Variants in GALNTL6 observed in about 807,000 individuals in gnomAD.
GALNTL6 encodes the protein polypeptide N-acetylgalactosaminyltransferase-like 6.
Under a neutral mutation model 73.7 loss-of-function variants are expected in GALNTL6, and 46 were observed. That is an observed-to-expected ratio of 0.62 (90% CI 0.49 to 0.80). The LOEUF is 0.80. Ranked by LOEUF, GALNTL6 falls within the 30% of genes least tolerant of loss-of-function variation. The pLI is 0.00. For missense variants in GALNTL6, 604 were observed against 755.0 expected (o/e 0.80, Z 2.34); for synonymous variants, 259 against 263.7 (o/e 0.98, Z 0.17).
intron 2 of GALNTL6, among the ~76,000 whole-genome samples, chr4:172,159,549 G>A (rs1734389507): frequency 6.6e-6 from 1 of 152,124 alleles, no homozygotes; most frequent in Non-Finnish European, 1.5e-5. Context: ...GTGTAGAGAG[G>A]AGAATCTTCT....
chr4:172,095,200 T>TA (rs11427479), intron 2 of GALNTL6, among the ~76,000 whole-genome samples: 149,452 of 151,468 alleles, frequency 0.99, 73,751 homozygotes, highest in Middle Eastern at 1. Flanking sequence ...AAAAGGCAAA[T>TA]AAAAAAAAGA....
intron 2 of GALNTL6, among the ~76,000 whole-genome samples, chr4:172,091,821 A>C (rs970642939): frequency 3.9e-5 from 6 of 152,240 alleles, no homozygotes; most frequent in African/African-American, 1.4e-4. Flanking sequence ...AGCTATAGAT[A>C]GCTGAAGAGA....
chr4:172,523,652 A>T (rs1734857963), intron 5 of GALNTL6, among the ~76,000 whole-genome samples: 1 of 152,196 alleles, frequency 6.6e-6, no homozygotes, highest in Non-Finnish European at 1.5e-5. Flanking sequence ...GTCATGAGCC[A>T]CTGCACATTG....
intron 3 of GALNTL6, among the ~76,000 whole-genome samples, chr4:172,240,974 GT>G (rs1175908695): frequency 6.6e-6 from 1 of 152,168 alleles, no homozygotes; most frequent in Non-Finnish European, 1.5e-5. Flanking sequence ...GTGGGCTGAT[GT>G]TCCTTTAACT....
At chr4:172,273,586 G>C (rs1381899617) in intron 3 of GALNTL6, among the ~76,000 whole-genome samples, 1 of 152,192 alleles carries the variant, frequency 6.6e-6, no homozygotes, top group Non-Finnish European at 1.5e-5. Flanking sequence ...AAGTCAGACA[G>C]ACTTCCTCAA....
At chr4:172,256,944 A>G (rs536872645) in intron 3 of GALNTL6, among the ~76,000 whole-genome samples, 272 of 151,444 alleles carry the variant, frequency 1.8e-3, no homozygotes, top group African/African-American at 6.0e-3. Flanking sequence ...CTTCCAAAGC[A>G]CACTCTGTTC....
chr4:172,675,907 G>A (rs1173914779), intron 5 of GALNTL6, among the ~76,000 whole-genome samples: 1 of 152,116 alleles, frequency 6.6e-6, no homozygotes, highest in African/African-American at 2.4e-5. Flanking sequence ...CTAGAAAATA[G>A]ACTGAGCATC....
chr4:172,782,078 G>T (rs539150053), intron 5 of GALNTL6, among the ~76,000 whole-genome samples: 1 of 151,946 alleles, frequency 6.6e-6, no homozygotes, highest in African/African-American at 2.4e-5. Flanking sequence ...ACCACTAAAG[G>T]CTCACTCAAT....
rs112349773 is a variant in GALNTL6 at position 172,842,529 on chromosome 4, T to C, written c.923+28806T>C. Among the ~76,000 whole-genome samples, 911 of 152,276 alleles carry C rather than the reference T, an allele frequency of 6.0e-3. 12 individuals are homozygous for C. The highest frequency in any genetic ancestry group is 0.019 in the African/African-American group (783 of 41,564). On this transcript the variant is annotated intron_variant, in intron 7 of 12. Coordinates refer to ENST00000506823, the MANE Select transcript of GALNTL6 (RefSeq NM_001034845.3). Reference sequence around the variant, plus strand: ...TTATGTTTGATTATATATTTTATGTTTTAAGGCATTGATGCAAATTCTAGG... The same window carrying C: ...TTATGTTTGATTATATATTTTATGTCTTAAGGCATTGATGCAAATTCTAGG...
chr4:172,493,410 GA>G (rs1733960386), intron 5 of GALNTL6, among the ~76,000 whole-genome samples: 1 of 152,148 alleles, frequency 6.6e-6, no homozygotes, highest in African/African-American at 2.4e-5. Context: ...TTTTATGTCA[GA>G]AATAGATTAT....
intron 2 of GALNTL6, among the ~76,000 whole-genome samples, chr4:171,954,215 G>C (rs903159874): frequency 3.0e-4 from 45 of 152,194 alleles, no homozygotes; most frequent in African/African-American, 1.0e-3. Flanking sequence ...TAACTCATTG[G>C]GTTGATTTCA....
At chr4:172,188,649 A>G (rs7669963) in intron 2 of GALNTL6, among the ~76,000 whole-genome samples, 9,816 of 152,240 alleles carry the variant, frequency 0.064, 516 homozygotes, top group African/African-American at 0.15. Flanking sequence ...TAGGAGATCT[A>G]ATTTAGATTA....
intron 7 of GALNTL6, among the ~76,000 whole-genome samples, chr4:172,846,339 A>C (rs931924692): frequency 1.3e-5 from 2 of 152,212 alleles, no homozygotes; most frequent in African/African-American, 4.8e-5. Flanking sequence ...AAATATTATA[A>C]TTATTACTTG....
At chr4:171,907,783 T>C (rs546134170) in intron 2 of GALNTL6, among the ~76,000 whole-genome samples, 1 of 148,250 alleles carries the variant, frequency 6.7e-6, no homozygotes, top group Non-Finnish European at 1.5e-5. Flanking sequence ...CATGGTACTG[T>C]TACCAAAACA....
At chr4:172,899,898 G>A (rs995638661) in intron 8 of GALNTL6, among the ~76,000 whole-genome samples, 3 of 152,176 alleles carry the variant, frequency 2.0e-5, no homozygotes, top group African/African-American at 7.2e-5. Context: ...TGGTGGGAGT[G>A]TAGCGATGAG....
intron 5 of GALNTL6, among the ~76,000 whole-genome samples, chr4:172,356,259 A>T (rs1742150473): frequency 6.6e-6 from 1 of 152,196 alleles, no homozygotes; most frequent in Non-Finnish European, 1.5e-5. Context: ...AAACCATTTT[A>T]TGCATGTTGG....
chr4:171,906,835 T>C (rs1737298211), intron 2 of GALNTL6, among the ~76,000 whole-genome samples: 1 of 152,118 alleles, frequency 6.6e-6, no homozygotes. Flanking sequence ...CAAGGCTGGT[T>C]CAATATACAC....
intron 2 of GALNTL6, among the ~76,000 whole-genome samples, chr4:171,858,877 GAT>G (rs1735757946): frequency 6.6e-6 from 1 of 151,958 alleles, no homozygotes; most frequent in South Asian, 2.1e-4. Context: ...AAATTAATAA[GAT>G]ATATGTTAGT....
chr4:172,553,778 C>T (rs972296345), intron 5 of GALNTL6, among the ~76,000 whole-genome samples: 4 of 151,926 alleles, frequency 2.6e-5, no homozygotes, highest in Admixed American at 2.0e-4. Context: ...AAATTTTGGC[C>T]GGCCACAGGG....
Sources: gnomAD v4.1 joint callset for allele counts (sites outside exome capture counted in the v4.1 genomes callset) on GRCh38, gnomAD v4.1.1 for gene constraint, MANE v1.5 for transcripts, NCBI Gene and HGNC (gene_info 2026-07-23, HGNC 2026-07-21) for gene names.